Variants in PUS10 observed in about 807,000 individuals in gnomAD.
The protein encoded by PUS10 is tRNA pseudouridine synthase Pus10.
A neutral mutation model predicts 75.0 loss-of-function variants in PUS10; 59 were observed. The ratio of observed to expected loss-of-function variants is 0.79; its 90% CI spans 0.64 to 0.98. The LOEUF is 0.98. PUS10 is among the 50% of genes least tolerant of loss of function. The probability of loss-of-function intolerance (pLI) is 0.00; values close to 1 mark genes in which losing one functional copy is unlikely to be tolerated. For synonymous variants in PUS10, 219 were observed against 211.6 expected (o/e 1.03, Z -0.30); for missense variants, 650 against 614.4 (o/e 1.06, Z -0.61).
At chr2:60,976,411 C>A (rs971700170) in intron 4 of PUS10, among the ~76,000 whole-genome samples, 2 of 152,230 alleles carry the variant, frequency 1.3e-5, no homozygotes, top group African/African-American at 4.8e-5. Context: ...TCAGACTCTT[C>A]CGTCTTTTCT....
chr2:61,000,523 G>T (rs1039017159), intron 4 of PUS10, among the ~76,000 whole-genome samples: 3 of 152,198 alleles, frequency 2.0e-5, no homozygotes, highest in Non-Finnish European at 2.9e-5. Flanking sequence ...GAGGCTGTAA[G>T]TAGTAAATCT....
intron 4 of PUS10, among the ~76,000 whole-genome samples, chr2:60,980,875 G>T (rs1162740668): frequency 6.6e-6 from 1 of 152,076 alleles, no homozygotes; most frequent in African/African-American, 2.4e-5. Flanking sequence ...TTCTCTAACA[G>T]TTTGGTTAAG....
intron 5 of PUS10, among the ~76,000 whole-genome samples, chr2:60,969,421 A>T (rs1027680667): frequency 6.6e-6 from 1 of 152,166 alleles, no homozygotes; most frequent in African/African-American, 2.4e-5. Context: ...CATATACCTG[A>T]TTGTCCTTTA....
At position 60,988,755 on chromosome 2, in the gene PUS10, C is replaced by A. The variant is rs180744343; in HGVS notation, c.469-17198G>T. Among the ~76,000 whole-genome samples, 86 of 152,092 alleles carry A rather than the reference C, an allele frequency of 5.7e-4. No individual in the cohort carries two copies. In the South Asian group the frequency reaches 6.0e-3, roughly 11 times the overall value. On this transcript the variant is annotated intron_variant, in intron 4 of 17. Transcript: ENST00000316752. ...GGTTCAGGTGATTCTCCTGCCTCAGCCTCCCGAATAGCTGGGATTACAAGT... is the reference window on the plus strand; with the variant it reads ...GGTTCAGGTGATTCTCCTGCCTCAGACTCCCGAATAGCTGGGATTACAAGT...
chr2:60,981,467 A>C (rs13406303), intron 4 of PUS10, among the ~76,000 whole-genome samples: 103 of 151,372 alleles, frequency 6.8e-4, no homozygotes, highest in African/African-American at 2.3e-3. Context: ...ATTTTAGTGG[A>C]GATGGGGTTT....
At chr2:60,960,658 C>T (rs185625936) in intron 10 of PUS10, 141 bp from the exon 11 acceptor site, 1 of 638,394 alleles carries the variant, frequency 1.6e-6, no homozygotes, top group African/African-American at 1.9e-5. Flanking sequence ...AACTAACAAT[C>T]CAATTTGGAG....
At chr2:61,017,709 C>A (rs1265810986) in intron 1 of PUS10, 1 of 1,443,320 alleles carries the variant, frequency 6.9e-7, no homozygotes, top group Non-Finnish European at 9.5e-7. Context: ...CTGGTCTACG[C>A]GGGCCTGGAC....
chr2:60,964,934 T>G, intron 8 of PUS10, 124 bp downstream of exon 8: 1 of 858,020 alleles, frequency 1.2e-6, no homozygotes, highest in South Asian at 1.6e-5. Context: ...TGGAAATATT[T>G]AAAAGCTGAT....
chr2:60,985,073 C>T (rs574273084), intron 4 of PUS10, among the ~76,000 whole-genome samples: 3 of 152,174 alleles, frequency 2.0e-5, no homozygotes, highest in African/African-American at 7.2e-5. Context: ...GAATCCTTTT[C>T]AGAAATTTAA....
intron 4 of PUS10, among the ~76,000 whole-genome samples, chr2:60,997,082 T>C (rs577419269): frequency 6.6e-6 from 1 of 152,366 alleles, no homozygotes; most frequent in Admixed American, 6.5e-5. Flanking sequence ...CAGAATTTCA[T>C]ACACCAATGT....
intron 4 of PUS10, among the ~76,000 whole-genome samples, chr2:60,989,303 C>T (rs182985256): frequency 1.5e-4 from 23 of 152,264 alleles, no homozygotes; most frequent in Admixed American, 1.5e-3. Context: ...TCCATGCAGC[C>T]AGGTGAATGT....
At chr2:60,948,220 G>A in intron 15 of PUS10, 35 bp from the exon 16 acceptor site, 1 of 1,609,410 alleles carries the variant, frequency 6.2e-7, no homozygotes, top group East Asian at 2.2e-5. Flanking sequence ...CCCAGAGTCA[G>A]AGCTTTGCCA....
chr2:60,971,700 TACCAGTGACCTC>T (rs1676672448), intron 4 of PUS10, 143 bp from the exon 5 acceptor site: 1 of 745,340 alleles, frequency 1.3e-6, no homozygotes, highest in African/African-American at 1.7e-5. Context: ...TTCAAAAATT[TACCAGTGACCTC>T]AGTCTCATTT....
At chr2:60,948,313 G>T in intron 15 of PUS10, 128 bp from the exon 16 acceptor site, 1 of 851,120 alleles carries the variant, frequency 1.2e-6, no homozygotes, top group Non-Finnish European at 1.9e-6. Context: ...AATGAATTGT[G>T]TCCCCTTAGG....
Position 60,955,074 on chromosome 2 carries a change from C to T in PUS10, c.1001G>A (p.Ser334Asn), listed in dbSNP as rs773849804. 9.4e-6 allele frequency: 15 copies of T among 1,589,164 alleles called. No homozygotes were observed. The highest frequency in any genetic ancestry group is 1.3e-5 in the Non-Finnish European group (15 of 1,167,970). The change falls in exon 12 of 18, where the codon AGT becomes AAT. Residue 334 changes from serine to asparagine, a missense_variant and splice_region_variant. By Grantham distance (46) the Ser-to-Asn change is conservative. Coordinates refer to ENST00000316752, the MANE Select transcript of PUS10 (RefSeq NM_144709.4). ...DHLLAVFKAE[S>N]FNFSSSGRED... ...TCTTCCAGAGGATGAAAAATTAAAA[C>T]CTTTGAAAAGCAGATAAAGAAAAAA...
At chr2:60,967,453 A>G (rs750622648) in intron 6 of PUS10, 49 bp downstream of exon 6, 44 of 1,270,388 alleles carry the variant, frequency 3.5e-5, no homozygotes, top group Non-Finnish European at 4.6e-5. Flanking sequence ...TAATTAAGTA[A>G]AACTAGTAAA....
chr2:60,953,919 G>A lies in PUS10; in HGVS notation c.1190+14C>T. 1 of 1,610,832 alleles carries A rather than the reference G, an allele frequency of 6.2e-7. No homozygotes were observed. The highest frequency in any genetic ancestry group is 8.5e-7 in the Non-Finnish European group (1 of 1,177,026). On this transcript the variant is annotated intron_variant, in intron 14 of 17. Coordinates refer to ENST00000316752, the MANE Select transcript of PUS10 (RefSeq NM_144709.4). ...CGTCCCTTTTGAAATCATCTCCAAT[G>A]AGCCTACTCTTACCTTGTGACAAGC...
chr2:60,968,023 C>T (rs1381782610), intron 5 of PUS10, among the ~76,000 whole-genome samples: 1 of 152,032 alleles, frequency 6.6e-6, no homozygotes, highest in East Asian at 1.9e-4. Context: ...CTTGCTTTTC[C>T]CCTCTTGTTG....
chr2:61,017,390 C>A (rs551492506), intron 1 of PUS10: 466 of 185,322 alleles, frequency 2.5e-3, no homozygotes, highest in Non-Finnish European at 4.5e-3. Context: ...CTACCTCCCC[C>A]ACGAGCGAAG....
Sources: allele counts gnomAD v4.1 joint callset (sites outside exome capture counted in the v4.1 genomes callset), GRCh38; gene constraint gnomAD v4.1.1; transcripts MANE v1.5; gene names NCBI Gene and HGNC (gene_info 2026-07-23, HGNC 2026-07-21).